ATP8B4: variants seen among roughly 807,000 people sequenced by gnomAD.
The protein encoded by ATP8B4 is probable phospholipid-transporting ATPase IM.
Under a neutral mutation model 145.6 loss-of-function variants are expected in ATP8B4, and 133 were observed. That is an observed-to-expected ratio of 0.91 (90% CI 0.79 to 1.05). ATP8B4 has a LOEUF of 1.05. ATP8B4 is among the 50% of genes least tolerant of loss of function. ATP8B4 has a pLI of 0.00. For synonymous variants in ATP8B4, 507 were observed against 492.9 expected (o/e 1.03, Z -0.38); for missense variants, 1,458 against 1,425.2 (o/e 1.02, Z -0.37).
intron 14 of ATP8B4, among the ~76,000 whole-genome samples, chr15:49,955,349 AACAAAAAACAC>A (rs2043465383): frequency 6.6e-6 from 1 of 152,202 alleles, no homozygotes. Context: ...AAAACAAACA[AACAAAAAACAC>A]ACAAACAAGA....
chr15:50,085,776 G>A, intron 2 of ATP8B4, among the ~76,000 whole-genome samples: 1 of 144,706 alleles, frequency 6.9e-6, no homozygotes, highest in African/African-American at 2.6e-5. Flanking sequence ...GCATATGTAT[G>A]TATCTATATG....
Position 49,971,249 on chromosome 15 carries a change from C to T in ATP8B4, c.1243+1333G>A, listed in dbSNP as rs140282694. On this transcript the variant is annotated intron_variant, in intron 13 of 27. Transcript: ENST00000284509. ...ACTAAAACACCAAAAGCAATGGCAACGAAAGCCAAAATTGACAAATGGGAC... is the reference window on the plus strand; with the variant it reads ...ACTAAAACACCAAAAGCAATGGCAATGAAAGCCAAAATTGACAAATGGGAC... 9.0e-3 allele frequency among the ~76,000 whole-genome samples: 1,366 copies of T among 152,222 alleles called. 23 individuals are homozygous for T. Among genetic ancestry groups the T allele is most frequent in the African/African-American group, 0.032 (1,313 of 41,500 alleles).
intron 1 of ATP8B4, among the ~76,000 whole-genome samples, chr15:50,174,246 C>T (rs979695575): frequency 3.2e-4 from 48 of 152,116 alleles, no homozygotes; most frequent in Non-Finnish European, 6.0e-4. Flanking sequence ...GACAAGGATG[C>T]ACACTGTCAC....
chr15:50,002,068 TG>T (rs1219687775), intron 8 of ATP8B4, 84 bp downstream of exon 8: 1 of 1,138,040 alleles, frequency 8.8e-7, no homozygotes, highest in Non-Finnish European at 1.3e-6. Flanking sequence ...AAGAAGATAC[TG>T]AACAAGGTTA....
At chr15:50,157,054 T>A (rs903298023) in intron 1 of ATP8B4, among the ~76,000 whole-genome samples, 2 of 147,984 alleles carry the variant, frequency 1.4e-5, no homozygotes, top group South Asian at 4.1e-4. Context: ...TTAACTCAAT[T>A]GTACAGATCA....
intron 20 of ATP8B4, 95 bp downstream of exon 20, chr15:49,916,839 A>G (rs2039785870): frequency 4.3e-6 from 5 of 1,151,466 alleles, no homozygotes; most frequent in South Asian, 2.9e-5. Context: ...ACCACAGGAA[A>G]CTATAGCATA....
Position 50,107,004 on chromosome 15 carries a change from C to A in ATP8B4, c.-38G>T. 1.3e-6 allele frequency: 2 copies of A among 1,538,830 alleles called. No individual in the cohort carries two copies. The highest frequency in any genetic ancestry group is 2.4e-5 in the East Asian group (1 of 42,444). Reference sequence around the variant, plus strand: ...TCTTTCACCAGGTCTCAACAGGTGGCCTACCTAAGAAAAAGAAGTATGCAT... The same window carrying A: ...TCTTTCACCAGGTCTCAACAGGTGGACTACCTAAGAAAAAGAAGTATGCAT... On this transcript the variant is annotated 5_prime_UTR_variant, in exon 2 of 28. Transcript: ENST00000284509.
At chr15:50,044,741 T>C (rs777286116) in intron 4 of ATP8B4, 49 bp from the exon 5 acceptor site, 66 of 1,323,178 alleles carry the variant, frequency 5.0e-5, no homozygotes, top group Non-Finnish European at 6.9e-5. Context: ...TTAGAAAATA[T>C]ATCTTCCAAA....
At chr15:49,963,942 A>G (rs1599469203) in intron 13 of ATP8B4, among the ~76,000 whole-genome samples, 1 of 152,214 alleles carries the variant, frequency 6.6e-6, no homozygotes, top group African/African-American at 2.4e-5. Context: ...AACCTGTGCC[A>G]GGCTCTTAAA....
upstream of ATP8B4, among the ~76,000 whole-genome samples, chr15:50,123,503 G>A (rs2057286962): frequency 6.6e-6 from 1 of 152,102 alleles, no homozygotes; most frequent in African/African-American, 2.4e-5. Flanking sequence ...AGGAACAGAA[G>A]ACAGCAAGGA....
At chr15:49,879,765 A>AC (rs1166295973) in intron 23 of ATP8B4, 2 of 204,082 alleles carry the variant, frequency 9.8e-6, no homozygotes. Context: ...TGAGCCCCTG[A>AC]CCTTGTGGTG....
In ATP8B4 at chr15:50,018,873, C is replaced by T. The variant is rs77262363; in HGVS notation, c.363-7956G>A. On this transcript the variant is annotated intron_variant, in intron 6 of 27. Transcript: ENST00000284509. Reference sequence around the variant, plus strand: ...ATATCTCTACTCTCTGAAGCTTCGACCATTATGTCACTTACATTTTTCTCA... The same window carrying T: ...ATATCTCTACTCTCTGAAGCTTCGATCATTATGTCACTTACATTTTTCTCA... 1.2e-4 allele frequency: 141 copies of T among 1,137,110 alleles called. No individual in the cohort carries two copies. The African/African-American group carries it at 2.2e-3, about 18-fold the overall frequency. The allele number at this position is 1,137,110 out of a possible 1,614,324, so 70.4% of individuals were successfully genotyped here. A position where few individuals can be genotyped will look rare whatever the true frequency, so the allele number is the denominator to read the frequency against.
intron 7 of ATP8B4, among the ~76,000 whole-genome samples, chr15:50,004,910 G>T (rs1311392955): frequency 6.6e-6 from 1 of 152,192 alleles, no homozygotes; most frequent in Non-Finnish European, 1.5e-5. Context: ...GCTATGAAAG[G>T]AGTGCAAATG....
At chr15:49,912,590 T>C (rs1354471059) in intron 20 of ATP8B4, among the ~76,000 whole-genome samples, 3 of 152,036 alleles carry the variant, frequency 2.0e-5, no homozygotes, top group African/African-American at 7.2e-5. Context: ...CTACCAAACA[T>C]GTAAAGAAGA....
intron 2 of ATP8B4, among the ~76,000 whole-genome samples, chr15:50,077,993 A>G (rs1203384170): frequency 6.6e-6 from 1 of 152,158 alleles, no homozygotes; most frequent in African/African-American, 2.4e-5. Flanking sequence ...GCACTAATCT[A>G]TCTAGTCCTT....
At chr15:49,921,602 G>C (rs1260966934) in intron 17 of ATP8B4, among the ~76,000 whole-genome samples, 1 of 152,114 alleles carries the variant, frequency 6.6e-6, no homozygotes, top group Non-Finnish European at 1.5e-5. Context: ...GGCCATTTCT[G>C]CTCCTTTGGG....
intron 1 of ATP8B4, among the ~76,000 whole-genome samples, chr15:50,148,098 G>A (rs1054104150): frequency 3.8e-4 from 57 of 150,102 alleles, no homozygotes; most frequent in Non-Finnish European, 1.0e-4. Flanking sequence ...GACACACTGA[G>A]AAGGACAGAA....
intron 13 of ATP8B4, among the ~76,000 whole-genome samples, 199 bp from the exon 14 acceptor site, chr15:49,962,219 T>G (rs185393704): frequency 4.6e-5 from 7 of 152,228 alleles, no homozygotes; most frequent in African/African-American, 1.7e-4. Context: ...CATTCGTGTT[T>G]GCCCAAGATA....
chr15:50,072,980 CTATATATATATATATATATA>C (rs374525582), intron 3 of ATP8B4, among the ~76,000 whole-genome samples: 7 of 22,876 alleles, frequency 3.1e-4, no homozygotes, highest in Non-Finnish European at 3.7e-4. Context: ...CTCTCTCTCT[CTATATATATATATATATATA>C]TATATATATA....
Sources: allele counts gnomAD v4.1 joint callset (sites outside exome capture counted in the v4.1 genomes callset), GRCh38; gene constraint gnomAD v4.1.1; transcripts MANE v1.5; gene names NCBI Gene and HGNC (gene_info 2026-07-23, HGNC 2026-07-21).